The following PLCG2 variants were observed in gnomAD, a reference collection of about 807,000 sequenced individuals.
PLCG2 encodes the protein phospholipase C gamma 2.
Under a neutral mutation model 175.6 loss-of-function variants are expected in PLCG2, and 69 were observed. The observed-to-expected ratio is 0.39, with a 90% CI of 0.32 to 0.48. PLCG2 has a LOEUF of 0.48. Among genes scored for constraint, PLCG2 ranks in the 20% least tolerant of loss-of-function variants. The probability of loss-of-function intolerance (pLI) is 0.91; values close to 1 mark genes in which losing one functional copy is unlikely to be tolerated. For synonymous variants in PLCG2, 827 were observed against 624.0 expected (o/e 1.33, Z -4.85); for missense variants, 1,798 against 1,650.9 (o/e 1.09, Z -1.54).
chr16:81,955,149 A>G (rs1911517922), intron 31 of PLCG2, among the ~76,000 whole-genome samples: 1 of 152,106 alleles, frequency 6.6e-6, no homozygotes, highest in Admixed American at 6.6e-5. Context: ...TTACTCTTCA[A>G]CCTTTGCAAA....
chr16:81,893,592 C>A (rs1908739998), intron 11 of PLCG2, 117 bp from the exon 12 acceptor site: 2 of 692,728 alleles, frequency 2.9e-6, no homozygotes, highest in Non-Finnish European at 5.2e-6. Flanking sequence ...CATGGAAGAA[C>A]TCAGAGCTTT....
At chr16:81,748,235 C>A (rs938834086) in intron 1 of PLCG2, among the ~76,000 whole-genome samples, 10 of 152,092 alleles carry the variant, frequency 6.6e-5, no homozygotes, top group African/African-American at 2.2e-4. Flanking sequence ...ACTAAAAATA[C>A]AAAATTTAGC....
At chr16:81,821,000 G>A (rs975500742) in intron 2 of PLCG2, among the ~76,000 whole-genome samples, 10 of 143,576 alleles carry the variant, frequency 7.0e-5, no homozygotes, top group Non-Finnish European at 7.6e-5. Context: ...CAAATGATCC[G>A]CCCACCTCAG....
At chr16:81,878,159 T>A (rs1907905977) in intron 7 of PLCG2, among the ~76,000 whole-genome samples, 1 of 151,572 alleles carries the variant, frequency 6.6e-6, no homozygotes, top group South Asian at 2.1e-4. Context: ...ATTTTTTGTA[T>A]TTTTTTAGTA....
rs941223513 is a variant in PLCG2, at chr16:81,954,586, T to C, written c.3571-2109T>C. The stretch of plus-strand genomic sequence containing the variant: ...CACTTATGAGTGAGAACATATGGTA[T>C]TTGGTTTTCCATTCCTGTGTTAGTT... On this transcript the variant is annotated intron_variant, in intron 31 of 32. Transcript: ENST00000564138. Among the ~76,000 whole-genome samples the C allele has an allele frequency of 3.9e-5, 6 of 152,216 alleles. 1 individual carries two copies. Among genetic ancestry groups the C allele is most frequent in the African/African-American group, 1.4e-4 (6 of 41,456 alleles).
chr16:81,864,969 T>C (rs1008115105), intron 5 of PLCG2, among the ~76,000 whole-genome samples: 1 of 152,090 alleles, frequency 6.6e-6, no homozygotes, highest in African/African-American at 2.4e-5. Flanking sequence ...AGCCCTAGGT[T>C]GAGCTCCCAG....
intron 15 of PLCG2, among the ~76,000 whole-genome samples, chr16:81,907,342 T>C (rs1463549228): frequency 6.6e-6 from 1 of 151,938 alleles, no homozygotes; most frequent in Non-Finnish European, 1.5e-5. Flanking sequence ...AAATAAATAT[T>C]GAACGTAAGG....
At position 81,885,544 on chromosome 16, in the gene PLCG2, C is replaced by G. The variant is rs150486474; in HGVS notation, c.765+2203C>G. ...CCCTTCCCCTTTCTTCATTTCTTTG[C>G]TGAAGAATTCTAAAGCAAACCCCAG... is the stretch of plus-strand genomic sequence containing the variant. On this transcript the variant is annotated intron_variant, in intron 9 of 32. Coordinates refer to ENST00000564138, the MANE Select transcript of PLCG2 (RefSeq NM_002661.5). Among the ~76,000 whole-genome samples the G allele has an allele frequency of 2.4e-3, 370 of 152,298 alleles. 2 individuals are homozygous for G. The highest frequency in any genetic ancestry group is 2.6e-3 in the Non-Finnish European group (180 of 68,032).
At chr16:81,879,041 A>G (rs573817495) in intron 7 of PLCG2, among the ~76,000 whole-genome samples, 3 of 152,106 alleles carry the variant, frequency 2.0e-5, no homozygotes, top group Non-Finnish European at 4.4e-5. Context: ...CATCTGTACC[A>G]TGGTGGTACC....
chr16:81,761,693 T>C (rs575924129), intron 2 of PLCG2, among the ~76,000 whole-genome samples: 2 of 152,236 alleles, frequency 1.3e-5, no homozygotes, highest in African/African-American at 2.4e-5. Flanking sequence ...ATCTAGCTCA[T>C]TGTATTTGCT....
chr16:81,826,814 C>G (rs1013728616), intron 2 of PLCG2, among the ~76,000 whole-genome samples: 1 of 152,338 alleles, frequency 6.6e-6, no homozygotes, highest in Non-Finnish European at 1.5e-5. Context: ...CCGTGATTTT[C>G]TAGTATGACT....
intron 2 of PLCG2, among the ~76,000 whole-genome samples, chr16:81,796,672 C>T (rs1262591197): frequency 1.3e-5 from 2 of 152,126 alleles, no homozygotes; most frequent in Non-Finnish European, 2.9e-5. Context: ...TCCAATATGA[C>T]TGGTTTCCTT....
At chr16:81,852,448 A>T (rs12923488) in intron 2 of PLCG2, among the ~76,000 whole-genome samples, 66,960 of 151,518 alleles carry the variant, frequency 0.44, 15,300 homozygotes, top group East Asian at 0.6. Context: ...TTGTTGTTGT[A>T]GTTTTTCAGA....
At chr16:81,890,934 G>A (rs1054537241) in intron 10 of PLCG2, among the ~76,000 whole-genome samples, 14 of 152,144 alleles carry the variant, frequency 9.2e-5, no homozygotes, top group Admixed American at 2.6e-4. Context: ...AGGCTGAGGC[G>A]GGTGGATCGC....
chr16:81,849,602 T>C (rs1336902445), intron 2 of PLCG2, among the ~76,000 whole-genome samples: 1 of 151,790 alleles, frequency 6.6e-6, no homozygotes, highest in Admixed American at 6.6e-5. Context: ...CTACTAGAAA[T>C]ACACATACAC....
In PLCG2 at chr16:81,931,649, A is replaced by G; in HGVS notation, c.2734A>G (p.Thr912Ala). Residue 912 changes from threonine (T) to alanine (A), a missense_variant, in exon 25 of 33, where the codon ACC (threonine) becomes GCC (alanine). Transcript: ENST00000564138. ...CCGAGAGATCACCTGGAAGATTGACACCAAGGTAGGCACCTGCTCACCCGG... is the reference window on the plus strand; with the variant it reads ...CCGAGAGATCACCTGGAAGATTGACGCCAAGGTAGGCACCTGCTCACCCGG... ...SIREITWKID[T>A]KENNMKYWEK... The G allele has an allele frequency of 6.2e-7, 1 of 1,613,514 alleles. No individual in the cohort carries two copies. Among genetic ancestry groups the G allele is most frequent in the Non-Finnish European group, 8.5e-7 (1 of 1,179,600 alleles).
intron 1 of PLCG2, chr16:81,739,458 T>C (rs1046301394): frequency 2.0e-5 from 3 of 152,032 alleles, no homozygotes; most frequent in Non-Finnish European, 2.9e-5. Flanking sequence ...CTATTTCTGG[T>C]ACATTCTCTG....
At chr16:81,781,049 A>G (rs1910708267) in intron 1 of PLCG2, among the ~76,000 whole-genome samples, 1 of 151,172 alleles carries the variant, frequency 6.6e-6, no homozygotes, top group Non-Finnish European at 1.5e-5. Context: ...AAACAAACAA[A>G]CACACACAAA....
intron 2 of PLCG2, among the ~76,000 whole-genome samples, chr16:81,769,819 C>CAAAAAAAAAAAAAAAAAAAAAA (rs71146043): frequency 1.3e-5 from 1 of 75,658 alleles, no homozygotes; most frequent in African/African-American, 5.8e-5. Context: ...GACTCCGTCT[C>CAAAAAAAAAAAAAAAAAAAAAA]AAAAAAAAAA....
Sources: allele counts gnomAD v4.1 joint callset (sites outside exome capture counted in the v4.1 genomes callset), GRCh38; gene constraint gnomAD v4.1.1; transcripts MANE v1.5; gene names NCBI Gene and HGNC (gene_info 2026-07-23, HGNC 2026-07-21).